CEP128: variants seen among roughly 807,000 people sequenced by gnomAD.
The protein encoded by CEP128 is centrosomal protein 128, also known as centrosomal protein 128kDa.
Under a neutral mutation model 156.7 loss-of-function variants are expected in CEP128, and 132 were observed. The observed-to-expected ratio is 0.84, with a 90% CI of 0.73 to 0.97. The LOEUF (loss-of-function observed/expected upper bound fraction) is 0.97, where lower values mean the gene tolerates loss of function less well. Among genes scored for constraint, CEP128 ranks in the 50% least tolerant of loss-of-function variants. The pLI is 0.00. For missense variants in CEP128, 1,252 were observed against 1,281.9 expected, an observed-to-expected ratio of 0.98 and a Z score of 0.36; for synonymous variants, 469 against 448.9, an observed-to-expected ratio of 1.04 and a Z score of -0.57.
At chr14:80,861,182 A>C (rs180757753) in intron 9 of CEP128, among the ~76,000 whole-genome samples, 31 of 152,068 alleles carry the variant, frequency 2.0e-4, no homozygotes, top group African/African-American at 7.0e-4. Context: ...TTATAGTAGT[A>C]ATTGTTTCAT....
At chr14:80,642,688 G>A (rs1305907901) in intron 19 of CEP128, among the ~76,000 whole-genome samples, 2 of 151,650 alleles carry the variant, frequency 1.3e-5, no homozygotes, top group Non-Finnish European at 2.9e-5. Context: ...AAGAGAGAGA[G>A]AGAGATTTAA....
chr14:80,725,082 T>C (rs1462587050), intron 19 of CEP128, among the ~76,000 whole-genome samples: 1 of 149,348 alleles, frequency 6.7e-6, no homozygotes, highest in Non-Finnish European at 1.5e-5. Context: ...CTGCCCCTAT[T>C]ATACACCATG....
At chr14:80,804,397 T>G (rs1395955274) in intron 13 of CEP128, among the ~76,000 whole-genome samples, 1 of 151,958 alleles carries the variant, frequency 6.6e-6, no homozygotes, top group Non-Finnish European at 1.5e-5. Context: ...AGTTCCATTC[T>G]CTCCAAGGGA....
At position 80,647,076 on chromosome 14, in the gene CEP128, TATATATATATAC is replaced by T. The variant is rs1384501453; in HGVS notation, c.2807-66665_2807-66654del. 6.0e-4 allele frequency among the ~76,000 whole-genome samples: 43 copies of T among 71,712 alleles called. 2 individuals are homozygous for T. The highest frequency in any genetic ancestry group is 1.0e-3 in the Admixed American group (6 of 5,914). The allele number at this position is 71,712 out of a possible 152,430, so 47.0% of individuals were successfully genotyped here. On this transcript the variant is annotated intron_variant, in intron 19 of 24. Transcript: ENST00000555265. ...ATATATATATATATATATATATATA[TATATATATATAC>T]ACCCTTATAAATACACATACACACA...
chr14:80,715,845 G>A (rs905588030), intron 19 of CEP128, among the ~76,000 whole-genome samples: 1 of 152,180 alleles, frequency 6.6e-6, no homozygotes, highest in Non-Finnish European at 1.5e-5. Context: ...ACCTCAAAGA[G>A]TTGTGGTAAG....
intron 19 of CEP128, among the ~76,000 whole-genome samples, chr14:80,729,058 G>GGGGGTGTGTGTGTGTGTGTGTGTGTGT (rs1898141728): frequency 9.5e-6 from 1 of 105,024 alleles, no homozygotes; most frequent in African/African-American, 5.0e-5. Context: ...GGCTGGTGGG[G>GGGGGTGTGTGTGTGTGTGTGTGTGTGT]GTGTGTGTGT....
chr14:80,946,286 G>A (rs1448582396), upstream of CEP128, among the ~76,000 whole-genome samples: 1 of 140,896 alleles, frequency 7.1e-6, no homozygotes, highest in Non-Finnish European at 1.5e-5. Context: ...TAGACACTTA[G>A]AACAAAGAAT....
intron 19 of CEP128, among the ~76,000 whole-genome samples, chr14:80,644,188 A>G (rs962286919): frequency 2.6e-5 from 4 of 152,124 alleles, no homozygotes; most frequent in Admixed American, 2.0e-4. Flanking sequence ...TCCTGCCAAC[A>G]CCTTGATTTC....
At chr14:80,504,551 TTTATATG>T (rs1887881555) in intron 24 of CEP128, among the ~76,000 whole-genome samples, 1 of 152,214 alleles carries the variant, frequency 6.6e-6, no homozygotes. Context: ...TTTCTCAACA[TTTATATG>T]CAAAGAACTT....
chr14:80,936,679 A>G lies in CEP128; in HGVS notation c.-16+2706T>C, dbSNP rs1885825066. ...TTATATGGGAACCAAAGGGTTAATC[A>G]GCTCTTTCAAAAACACAAGAAAAAG... On this transcript the variant is annotated intron_variant, in intron 2 of 24. Coordinates refer to ENST00000555265, the MANE Select transcript of CEP128 (RefSeq NM_152446.5). Among the ~76,000 whole-genome samples, 2 of 152,228 alleles carry G rather than the reference A, an allele frequency of 1.3e-5. 1 individual carries two copies. Among genetic ancestry groups the G allele is most frequent in the South Asian group, 4.1e-4 (2 of 4,836 alleles).
intron 19 of CEP128, among the ~76,000 whole-genome samples, chr14:80,630,052 C>T (rs1320648984): frequency 6.6e-6 from 1 of 151,790 alleles, no homozygotes; most frequent in African/African-American, 2.4e-5. Context: ...TCCCTTGAAA[C>T]CCAATCTAGA....
At chr14:80,805,626 T>C (rs765041997) in intron 13 of CEP128, among the ~76,000 whole-genome samples, 3 of 152,250 alleles carry the variant, frequency 2.0e-5, no homozygotes, top group Non-Finnish European at 4.4e-5. Context: ...CTCATCTCTA[T>C]TGGGAAATTA....
chr14:80,510,754 G>A (rs892260157), intron 23 of CEP128, among the ~76,000 whole-genome samples: 4 of 151,524 alleles, frequency 2.6e-5, no homozygotes, highest in Non-Finnish European at 5.9e-5. Flanking sequence ...TAACTTTTAT[G>A]GTGTTGAGAT....
intron 12 of CEP128, among the ~76,000 whole-genome samples, chr14:80,833,520 AAT>A (rs2140054305): frequency 6.6e-6 from 1 of 152,184 alleles, no homozygotes; most frequent in Admixed American, 6.5e-5. Flanking sequence ...CATTTTGGAG[AAT>A]GCTTGGTCAG....
intron 20 of CEP128, among the ~76,000 whole-genome samples, chr14:80,575,597 T>C (rs1891321994): frequency 6.6e-6 from 1 of 152,152 alleles, no homozygotes; most frequent in Non-Finnish European, 1.5e-5. Flanking sequence ...ACTTGTTTAT[T>C]GCTTTATCCC....
intron 20 of CEP128, among the ~76,000 whole-genome samples, chr14:80,572,243 T>G (rs1212389402): frequency 6.6e-6 from 1 of 152,104 alleles, no homozygotes; most frequent in Non-Finnish European, 1.5e-5. Flanking sequence ...CAGCTAGAGA[T>G]TGGGTGGGGA....
intron 2 of CEP128, among the ~76,000 whole-genome samples, chr14:80,921,243 G>A (rs1048963130): frequency 6.6e-6 from 1 of 152,166 alleles, no homozygotes; most frequent in Admixed American, 6.5e-5. Context: ...GTATTGAGAG[G>A]TGGGACCTTT....
intron 19 of CEP128, among the ~76,000 whole-genome samples, chr14:80,716,642 C>T (rs903789285): frequency 2.6e-5 from 4 of 152,168 alleles, no homozygotes; most frequent in African/African-American, 9.7e-5. Context: ...TTTATCCATT[C>T]GTCAGCTGAT....
At chr14:80,613,695 C>T (rs1893100434) in intron 19 of CEP128, among the ~76,000 whole-genome samples, 1 of 152,060 alleles carries the variant, frequency 6.6e-6, no homozygotes, top group African/African-American at 2.4e-5. Flanking sequence ...CCCCATCTCC[C>T]TATATGTACA....
Sources: gnomAD v4.1 joint callset for allele counts (sites outside exome capture counted in the v4.1 genomes callset) on GRCh38, gnomAD v4.1.1 for gene constraint, MANE v1.5 for transcripts, NCBI Gene and HGNC (gene_info 2026-07-23, HGNC 2026-07-21) for gene names.